ESR2: variants seen among roughly 807,000 people sequenced by gnomAD.
ESR2 encodes the protein estrogen receptor 2.
Under a neutral mutation model 49.6 loss-of-function variants are expected in ESR2, and 36 were observed. That is an observed-to-expected ratio of 0.73 (90% CI 0.56 to 0.96). The LOEUF is 0.96. ESR2 is among the 40% of genes least tolerant of loss of function. ESR2 has a pLI of 0.00. For missense variants in ESR2, 714 were observed against 693.0 expected (o/e 1.03, Z -0.34); for synonymous variants, 320 against 266.1 (o/e 1.20, Z -1.97).
intron 3 of ESR2, 127 bp downstream of exon 3, chr14:64,279,854 T>C (rs2076628325): frequency 2.5e-6 from 2 of 787,482 alleles, no homozygotes; most frequent in Admixed American, 4.0e-5. Flanking sequence ...CATGATCCTC[T>C]GAACTGCTCA....
intron 1 of ESR2, among the ~76,000 whole-genome samples, chr14:64,326,829 G>A (rs1175513170): frequency 6.6e-6 from 1 of 152,130 alleles, no homozygotes; most frequent in African/African-American, 2.4e-5. Flanking sequence ...GTATCACAGA[G>A]ACCTTTAGGC....
At position 64,254,584 on chromosome 14, in the gene ESR2, TA is replaced by T. The variant is rs60183978; in HGVS notation, c.1091+2641del. On this transcript the variant is annotated intron_variant, in intron 6 of 8. Transcript: ENST00000341099. ...CAACATGGTAAAACCCCGTCTCCAC[TA>T]AAAAAAAAAAAAAAATACAAAAATT... Among the ~76,000 whole-genome samples the T allele has an allele frequency of 9.9e-3, 1,311 of 131,856 alleles. 12 individuals carry two copies. The highest frequency in any genetic ancestry group is 0.023 in the African/African-American group (829 of 36,822). The allele number at this position is 131,856 out of a possible 152,430, so 86.5% of individuals were successfully genotyped here.
chr14:64,319,260 C>T (rs1255834777), intron 1 of ESR2, among the ~76,000 whole-genome samples: 1 of 152,112 alleles, frequency 6.6e-6, no homozygotes, highest in African/African-American at 2.4e-5. Context: ...CTCATACCAC[C>T]TTCACAAAAA....
intron 1 of ESR2, among the ~76,000 whole-genome samples, chr14:64,286,006 TG>T (rs1304311785): frequency 6.6e-6 from 1 of 152,084 alleles, no homozygotes; most frequent in East Asian, 1.9e-4. Context: ...ACATTAAAGA[TG>T]GGGGGTGCTG....
chr14:64,234,631 G>T, intron 8 of ESR2: 1 of 382,422 alleles, frequency 2.6e-6, no homozygotes, highest in South Asian at 1.0e-4. Context: ...TGGCCTCAGG[G>T]CCTCAGCCCT....
At chr14:64,234,233 G>A (rs1379455218) in intron 8 of ESR2, 1 of 152,286 alleles carries the variant, frequency 6.6e-6, no homozygotes, top group Non-Finnish European at 1.5e-5. Context: ...GATTCTCGAG[G>A]TGTATATTGT....
intron 7 of ESR2, among the ~76,000 whole-genome samples, chr14:64,243,069 C>T (rs1242469943): frequency 6.6e-6 from 1 of 152,192 alleles, no homozygotes; most frequent in East Asian, 1.9e-4. Context: ...CACCAGGTCC[C>T]TCCCACAACA....
In ESR2 at chr14:64,229,842, A is replaced by T. The variant is rs769434550; in HGVS notation, c.*3295T>A. Among the ~76,000 whole-genome samples, 1 of 152,146 alleles carries T rather than the reference A, an allele frequency of 6.6e-6. No individual in the cohort carries two copies. Among genetic ancestry groups the T allele is most frequent in the Non-Finnish European group, 1.5e-5 (1 of 68,022 alleles). ...CAGATATTATCTTTAGATACTAAAT[A>T]ATGTGTTTTTATCTTTTTAAAAGAT... On this transcript the variant is annotated 3_prime_UTR_variant, in exon 9 of 9. Coordinates refer to ENST00000341099, the MANE Select transcript of ESR2 (RefSeq NM_001437.3).
intron 8 of ESR2, 149 bp downstream of exon 8, chr14:64,234,820 CT>C (rs765378717): frequency 9.7e-6 from 14 of 1,444,086 alleles, no homozygotes; most frequent in Non-Finnish European, 1.3e-5. Flanking sequence ...CCCATCTTTG[CT>C]TACAGGTGTG....
downstream of ESR2, chr14:64,228,048 G>A (rs530430142): frequency 2.8e-6 from 4 of 1,423,250 alleles, no homozygotes; most frequent in Non-Finnish European, 3.6e-6. Flanking sequence ...CACAGGACCT[G>A]TGGTCATAAA....
At chr14:64,330,689 T>C (rs2077444719) in intron 1 of ESR2, 2 of 152,236 alleles carry the variant, frequency 1.3e-5, no homozygotes, top group African/African-American at 2.4e-5. Flanking sequence ...AATGTTAACC[T>C]CATCCAAAAA....
intron 1 of ESR2, among the ~76,000 whole-genome samples, chr14:64,321,310 CAA>C (rs142120594): frequency 2.3e-4 from 26 of 114,450 alleles, no homozygotes; most frequent in Admixed American, 2.7e-4. Context: ...TGTCTAGAAG[CAA>C]AAAAAAAAAA....
upstream of ESR2, among the ~76,000 whole-genome samples, chr14:64,297,043 A>G (rs2076965688): frequency 6.6e-6 from 1 of 152,182 alleles, no homozygotes; most frequent in African/African-American, 2.4e-5. Flanking sequence ...CCTGGTATTG[A>G]GAACGATGCC....
chr14:64,233,242 A>G lies in ESR2; in HGVS notation c.1488T>C (p.Asn496=), dbSNP rs1377049690. ...ACTTGCACCCGCGAAGCACGTGGGC[A>G]TTCAGCATCTCCAGCAGCAGGTCAT... is the stretch of plus-strand genomic sequence containing the variant. ...PVYDLLLEML[N]AHVLRGCKSS... The change falls in exon 9 of 9, where the codon AAT becomes AAC. Residue 496 remains asparagine, a synonymous_variant. Transcript: ENST00000341099. The G allele has an allele frequency of 5.0e-6, 8 of 1,614,164 alleles. No homozygotes were observed. In the South Asian group the frequency reaches 8.8e-5, roughly 18 times the overall value.
chr14:64,279,953 A>G, intron 3 of ESR2, 28 bp downstream of exon 3: 1 of 1,590,320 alleles, frequency 6.3e-7, no homozygotes, highest in African/African-American at 1.3e-5. Context: ...GTAGGAAACT[A>G]AAGAAGCAGT....
intron 1 of ESR2, among the ~76,000 whole-genome samples, chr14:64,300,001 G>A (rs139881402): frequency 6.6e-6 from 1 of 152,226 alleles, no homozygotes; most frequent in Non-Finnish European, 1.5e-5. Flanking sequence ...TCTGCTCATA[G>A]TCAAGTCAAG....
chr14:64,233,429 A>C, intron 8 of ESR2, 106 bp from the exon 9 acceptor site: 3 of 1,051,000 alleles, frequency 2.9e-6, no homozygotes, highest in African/African-American at 1.6e-5. Context: ...CCCACCCCTA[A>C]ACCCACTCTT....
At chr14:64,326,384 C>T (rs1238346746) in intron 1 of ESR2, among the ~76,000 whole-genome samples, 1 of 152,102 alleles carries the variant, frequency 6.6e-6, no homozygotes, top group Non-Finnish European at 1.5e-5. Flanking sequence ...AATAATACAG[C>T]TTTGTGATTC....
intron 4 of ESR2, among the ~76,000 whole-genome samples, chr14:64,261,296 G>T (rs1439617058): frequency 7.5e-6 from 1 of 134,062 alleles, no homozygotes; most frequent in Non-Finnish European, 1.5e-5. Flanking sequence ...GGAGTGCAGT[G>T]GTGTGATCTC....
Sources: gnomAD v4.1 joint callset for allele counts (sites outside exome capture counted in the v4.1 genomes callset) on GRCh38, gnomAD v4.1.1 for gene constraint, MANE v1.5 for transcripts, NCBI Gene and HGNC (gene_info 2026-07-23, HGNC 2026-07-21) for gene names.